FRMD4A: variants seen among roughly 807,000 people sequenced by gnomAD.
The protein encoded by FRMD4A is FERM domain-containing protein 4A.
FRMD4A carries 29 observed loss-of-function variants against 129.1 expected under a neutral mutation model. The ratio of observed to expected loss-of-function variants is 0.22; its 90% CI spans 0.17 to 0.31. The LOEUF is 0.31. Among genes scored for constraint, FRMD4A ranks in the 10% least tolerant of loss-of-function variants. The pLI is 1.00. For synonymous variants in FRMD4A, 634 were observed against 571.6 expected (o/e 1.11, Z -1.56); for missense variants, 1,272 against 1,375.8 (o/e 0.92, Z 1.19).
intron 2 of FRMD4A, among the ~76,000 whole-genome samples, chr10:14,287,542 G>A (rs2132070175): frequency 6.6e-6 from 1 of 152,282 alleles, no homozygotes; most frequent in South Asian, 2.1e-4. Context: ...GATCCAAAGA[G>A]TAAGATGTCA....
chr10:13,957,534 C>T (rs1384817215), intron 2 of FRMD4A, among the ~76,000 whole-genome samples: 2 of 152,130 alleles, frequency 1.3e-5, no homozygotes, highest in African/African-American at 4.8e-5. Flanking sequence ...GGATTATAGA[C>T]GTGAGCCACC....
rs1564319745 is a variant in FRMD4A at position 14,128,011 on chromosome 10, T to TTCCTTC, written c.45+202046_45+202047insGAAGGA. Among the ~76,000 whole-genome samples, 138 of 96,868 alleles carry TTCCTTC rather than the reference T, an allele frequency of 1.4e-3. 9 individuals are homozygous for TTCCTTC. The highest frequency in any genetic ancestry group is 2.7e-3 in the Admixed American group (23 of 8,518). The allele number at this position is 96,868 out of a possible 152,430, so 63.5% of individuals were successfully genotyped here. A position where few individuals can be genotyped will look rare whatever the true frequency, so the allele number is the denominator to read the frequency against. ...CTCTCTCTCTCTCTCTTTCTTTCTT[T>TTCCTTC]CTTCCTTCCTTCCTTCCTTCCTTCC... On this transcript the variant is annotated intron_variant, in intron 2 of 24. Coordinates refer to ENST00000357447, the MANE Select transcript of FRMD4A (RefSeq NM_018027.5).
At chr10:14,140,178 C>T (rs1347866927) in intron 2 of FRMD4A, among the ~76,000 whole-genome samples, 1 of 152,190 alleles carries the variant, frequency 6.6e-6, no homozygotes, top group African/African-American at 2.4e-5. Context: ...TCTCCCACCT[C>T]AGCCTCCTGA....
At chr10:13,864,720 C>G (rs1260168129) in intron 2 of FRMD4A, among the ~76,000 whole-genome samples, 1 of 151,806 alleles carries the variant, frequency 6.6e-6, no homozygotes, top group African/African-American at 2.4e-5. Flanking sequence ...GGATTATAGG[C>G]ACCCGCCACC....
At chr10:13,893,031 G>A (rs530630147) in intron 2 of FRMD4A, among the ~76,000 whole-genome samples, 1 of 152,138 alleles carries the variant, frequency 6.6e-6, no homozygotes, top group East Asian at 1.9e-4. Context: ...TACCTGTTTT[G>A]TGTTTGTTTG....
At chr10:14,165,391 G>A (rs1841119270) in intron 2 of FRMD4A, among the ~76,000 whole-genome samples, 1 of 152,168 alleles carries the variant, frequency 6.6e-6, no homozygotes, top group Non-Finnish European at 1.5e-5. Flanking sequence ...GGGAAAAAAT[G>A]GAATGCCTAT....
At chr10:14,049,051 G>A (rs2131683835) in intron 2 of FRMD4A, among the ~76,000 whole-genome samples, 1 of 152,278 alleles carries the variant, frequency 6.6e-6, no homozygotes, top group East Asian at 1.9e-4. Context: ...GAACTCCAGA[G>A]GCTTGGAGAA....
At chr10:13,693,379 C>G in intron 15 of FRMD4A, 1 of 377,908 alleles carries the variant, frequency 2.6e-6, no homozygotes, top group Non-Finnish European at 4.1e-6. Context: ...ACGACGGAAC[C>G]AGATCTCTGA....
At position 14,191,640 on chromosome 10, in the gene FRMD4A, C is replaced by T. The variant is rs139719990; in HGVS notation, c.45+138418G>A. ...GTGAATTGCTATGGCATCATAAAAG[C>T]GATATTCCAATCATCAGTCTTTAAC... On this transcript the variant is annotated intron_variant, in intron 2 of 24. Coordinates refer to ENST00000357447, the MANE Select transcript of FRMD4A (RefSeq NM_018027.5). 9.6e-3 allele frequency among the ~76,000 whole-genome samples: 1,464 copies of T among 152,296 alleles called. 27 individuals are homozygous for T. The highest frequency in any genetic ancestry group is 0.032 in the African/African-American group (1,343 of 41,544).
intron 2 of FRMD4A, among the ~76,000 whole-genome samples, chr10:13,964,644 T>C (rs547647563): frequency 6.6e-6 from 1 of 151,808 alleles, no homozygotes; most frequent in Non-Finnish European, 1.5e-5. Flanking sequence ...ATTTTAATTG[T>C]CATCAGTTAC....
intron 2 of FRMD4A, chr10:14,097,099 A>ACCATTGC (rs1423931488): frequency 7.7e-6 from 1 of 130,294 alleles, no homozygotes; most frequent in Non-Finnish European, 1.6e-5. Flanking sequence ...CCAAGATGGC[A>ACCATTGC]CCATTGCCCT....
At chr10:14,182,690 G>A (rs1841952714) in intron 2 of FRMD4A, among the ~76,000 whole-genome samples, 1 of 152,192 alleles carries the variant, frequency 6.6e-6, no homozygotes, top group Admixed American at 6.5e-5. Flanking sequence ...GGACACATAT[G>A]CTGAGAACCT....
At chr10:14,058,895 G>T (rs145921485) in intron 2 of FRMD4A, among the ~76,000 whole-genome samples, 250 of 152,030 alleles carry the variant, frequency 1.6e-3, no homozygotes, top group Non-Finnish European at 1.5e-3. Flanking sequence ...CCTTGATCAC[G>T]CATAGTATCT....
intron 2 of FRMD4A, among the ~76,000 whole-genome samples, chr10:14,125,077 A>C (rs570469507): frequency 2.0e-5 from 3 of 152,288 alleles, no homozygotes; most frequent in African/African-American, 7.2e-5. Context: ...AGTAAAGTTA[A>C]TGAAGCAACT....
chr10:14,229,678 G>A (rs1040889501), intron 2 of FRMD4A, among the ~76,000 whole-genome samples: 8 of 152,096 alleles, frequency 5.3e-5, no homozygotes, highest in South Asian at 4.2e-4. Flanking sequence ...GGCACAAGCC[G>A]TCCTCCCACC....
intron 8 of FRMD4A, among the ~76,000 whole-genome samples, chr10:13,760,870 C>CTTT (rs34812449): frequency 2.1e-5 from 3 of 144,122 alleles, no homozygotes; most frequent in East Asian, 2.0e-4. Flanking sequence ...CTACCCTGGC[C>CTTT]TTTTTTTTTT....
At chr10:14,131,289 C>A (rs775731949) in intron 2 of FRMD4A, among the ~76,000 whole-genome samples, 1 of 152,136 alleles carries the variant, frequency 6.6e-6, no homozygotes, top group African/African-American at 2.4e-5. Flanking sequence ...TCAGGCGATG[C>A]AGAAGCTTCA....
At chr10:13,853,182 T>A (rs2094162843) in intron 3 of FRMD4A, among the ~76,000 whole-genome samples, 2 of 152,120 alleles carry the variant, frequency 1.3e-5, no homozygotes, top group Non-Finnish European at 2.9e-5. Flanking sequence ...GGTGCGAGGT[T>A]CACTGTGGCA....
chr10:13,976,518 C>A (rs554904453), intron 2 of FRMD4A, among the ~76,000 whole-genome samples: 2 of 150,966 alleles, frequency 1.3e-5, no homozygotes, highest in Non-Finnish European at 2.9e-5. Flanking sequence ...CCCAGACCCT[C>A]GTTCACTGCT....
Sources: allele counts gnomAD v4.1 joint callset (sites outside exome capture counted in the v4.1 genomes callset), GRCh38; gene constraint gnomAD v4.1.1; transcripts MANE v1.5; gene names NCBI Gene and HGNC (gene_info 2026-07-23, HGNC 2026-07-21).